Variants in BCL2 observed in about 807,000 individuals in gnomAD.
The protein encoded by BCL2 is BCL2 apoptosis regulator.
BCL2 carries 1 observed loss-of-function variant against 14.2 expected under a neutral mutation model. The ratio of observed to expected loss-of-function variants is 0.07; its 90% CI spans 0.02 to 0.33. BCL2 has a LOEUF of 0.33. BCL2 is among the 10% of genes least tolerant of loss of function. The probability of loss-of-function intolerance (pLI) is 0.99; values close to 1 mark genes in which losing one functional copy is unlikely to be tolerated. For missense variants in BCL2, 247 were observed against 305.9 expected (o/e 0.81, Z 1.44); for synonymous variants, 151 against 137.2 (o/e 1.10, Z -0.70).
At chr18:63,281,809 C>T (rs953946367) in intron 2 of BCL2, among the ~76,000 whole-genome samples, 1 of 152,002 alleles carries the variant, frequency 6.6e-6, no homozygotes, top group Non-Finnish European at 1.5e-5. Flanking sequence ...TCTCCACACA[C>T]CAGAGAAGTT....
At chr18:63,211,063 C>CTTTTTTTTTTTTTTT (rs59302545) in intron 2 of BCL2, among the ~76,000 whole-genome samples, 23 of 59,148 alleles carry the variant, frequency 3.9e-4, no homozygotes, top group South Asian at 9.7e-4. Context: ...CTTTTCATTT[C>CTTTTTTTTTTTTTTT]TTTTTTTTTT....
chr18:63,228,401 G>A (rs1189421807), intron 2 of BCL2, among the ~76,000 whole-genome samples: 1 of 152,120 alleles, frequency 6.6e-6, no homozygotes, highest in African/African-American at 2.4e-5. Context: ...ACGACTACAT[G>A]ATATAGAACA....
At chr18:63,185,127 G>A (rs1915562991) in intron 2 of BCL2, among the ~76,000 whole-genome samples, 1 of 152,246 alleles carries the variant, frequency 6.6e-6, no homozygotes, top group African/African-American at 2.4e-5. Context: ...ACAGGCTTTG[G>A]TTGGGAAGAC....
chr18:63,174,857 C>T (rs978046433), intron 2 of BCL2, among the ~76,000 whole-genome samples: 6 of 149,290 alleles, frequency 4.0e-5, no homozygotes, highest in Admixed American at 6.7e-5. Context: ...AGAAGTTCTA[C>T]GGTCTTCCCT....
chr18:63,207,923 T>A (rs1909886254), intron 2 of BCL2: 3 of 151,636 alleles, frequency 2.0e-5, no homozygotes, highest in Admixed American at 1.3e-4. Context: ...CTAAAAAAAA[T>A]ACTATTTAAA....
intron 2 of BCL2, among the ~76,000 whole-genome samples, chr18:63,182,032 T>G (rs1365817264): frequency 6.6e-6 from 1 of 152,242 alleles, no homozygotes; most frequent in African/African-American, 2.4e-5. Flanking sequence ...TCCTTCTCCC[T>G]GGTTCCAATC....
Position 63,307,115 on chromosome 18 carries a change from T to C in BCL2, c.585+10967A>G, listed in dbSNP as rs4987714. The stretch of plus-strand genomic sequence containing the variant: ...TGAGTGCAAAAAAACAATTACCCAC[T>C]TAAAAACACAGAGATGCAAGTGAAT... On this transcript the variant is annotated intron_variant, in intron 2 of 2. Transcript: ENST00000333681. 2.3e-4 allele frequency among the ~76,000 whole-genome samples: 35 copies of C among 152,310 alleles called. No individual in the cohort carries two copies. The East Asian group carries it at 5.0e-3, about 22-fold the overall frequency.
intron 2 of BCL2, among the ~76,000 whole-genome samples, chr18:63,245,423 C>A (rs574661859): frequency 5.3e-5 from 8 of 152,192 alleles, no homozygotes; most frequent in Non-Finnish European, 4.4e-5. Context: ...AAAGACTCAT[C>A]CACCTTCTCT....
intron 2 of BCL2, among the ~76,000 whole-genome samples, chr18:63,286,938 C>A (rs1023894365): frequency 6.6e-6 from 1 of 152,286 alleles, no homozygotes; most frequent in Admixed American, 6.5e-5. Context: ...CGGGTCTGAA[C>A]TACAGGTCTC....
intron 2 of BCL2, among the ~76,000 whole-genome samples, chr18:63,247,441 G>T (rs1251808293): frequency 6.6e-6 from 1 of 151,886 alleles, no homozygotes; most frequent in African/African-American, 2.4e-5. Context: ...CAGGTGATCT[G>T]CCCACCTTGA....
intron 2 of BCL2, among the ~76,000 whole-genome samples, chr18:63,223,606 C>A (rs1360867342): frequency 6.6e-6 from 1 of 152,138 alleles, no homozygotes; most frequent in Non-Finnish European, 1.5e-5. Context: ...AAGGCTGAAC[C>A]CTCCAGTCTC....
intron 2 of BCL2, among the ~76,000 whole-genome samples, chr18:63,166,943 C>T (rs147807245): frequency 4.9e-4 from 74 of 152,332 alleles, no homozygotes; most frequent in African/African-American, 1.6e-3. Flanking sequence ...TGAGACTACA[C>T]GGCAGAATGA....
chr18:63,227,032 G>A (rs964922627), intron 2 of BCL2, among the ~76,000 whole-genome samples: 4 of 151,696 alleles, frequency 2.6e-5, no homozygotes, highest in Admixed American at 1.3e-4. Context: ...TGGTGAAACC[G>A]CAGATCACCA....
intron 2 of BCL2, among the ~76,000 whole-genome samples, chr18:63,162,280 A>C (rs1243132093): frequency 6.6e-6 from 1 of 152,182 alleles, no homozygotes; most frequent in Non-Finnish European, 1.5e-5. Flanking sequence ...AACTGCTCAA[A>C]GTTCTTTTTC....
intron 2 of BCL2, among the ~76,000 whole-genome samples, chr18:63,276,746 C>T (rs376046431): frequency 1.3e-5 from 2 of 152,216 alleles, no homozygotes; most frequent in East Asian, 1.9e-4. Context: ...ATAGCTGCCA[C>T]GTTTGCAGTG....
chr18:63,260,869 G>A (rs1249458817), intron 2 of BCL2, among the ~76,000 whole-genome samples: 2 of 152,052 alleles, frequency 1.3e-5, no homozygotes, highest in African/African-American at 4.8e-5. Flanking sequence ...GGCAAAACAA[G>A]CAGAAATGAT....
intron 2 of BCL2, among the ~76,000 whole-genome samples, chr18:63,289,600 G>A (rs1912585844): frequency 6.6e-6 from 1 of 152,032 alleles, no homozygotes; most frequent in Non-Finnish European, 1.5e-5. Context: ...TAGGAAAAGA[G>A]GAGCCTTAAA....
At chr18:63,285,712 A>G (rs1912452568) in intron 2 of BCL2, among the ~76,000 whole-genome samples, 1 of 152,036 alleles carries the variant, frequency 6.6e-6, no homozygotes, top group African/African-American at 2.4e-5. Flanking sequence ...CTGAGTGTGT[A>G]GCGGGAGAGG....
intron 2 of BCL2, chr18:63,208,122 C>T (rs1302059980): frequency 6.6e-6 from 1 of 152,152 alleles, no homozygotes; most frequent in Non-Finnish European, 1.5e-5. Flanking sequence ...TGAGAGGCCA[C>T]CTGTTATGGA....
Sources: allele counts gnomAD v4.1 joint callset (sites outside exome capture counted in the v4.1 genomes callset), GRCh38; gene constraint gnomAD v4.1.1; transcripts MANE v1.5; gene names NCBI Gene and HGNC (gene_info 2026-07-23, HGNC 2026-07-21).